The following PID1 variants were observed in gnomAD, a reference collection of about 807,000 sequenced individuals.
PID1 encodes phosphotyrosine interaction domain containing 1, also known as PTB-containing, cubilin and LRP1-interacting protein.
Under a neutral mutation model 19.1 loss-of-function variants are expected in PID1, and 10 were observed. The observed-to-expected ratio is 0.52, with a 90% CI of 0.32 to 0.89. PID1 has a LOEUF of 0.89. Among genes scored for constraint, PID1 ranks in the 40% least tolerant of loss-of-function variants. The pLI, the probability that PID1 is intolerant of heterozygous loss-of-function variation, is 0.03. For synonymous variants in PID1, 130 were observed against 116.0 expected, an observed-to-expected ratio of 1.12 and a Z score of -0.78; for missense variants, 248 against 285.3, an observed-to-expected ratio of 0.87 and a Z score of 0.94.
intron 1 of PID1, among the ~76,000 whole-genome samples, chr2:229,233,317 C>T (rs1168542923): frequency 1.3e-5 from 2 of 150,566 alleles, no homozygotes; most frequent in Non-Finnish European, 3.0e-5. Flanking sequence ...AATATGAGAA[C>T]ATTTAGAAGC....
chr2:229,148,210 G>A (rs577831878), intron 2 of PID1, among the ~76,000 whole-genome samples: 1 of 152,366 alleles, frequency 6.6e-6, no homozygotes, highest in Non-Finnish European at 1.5e-5. Flanking sequence ...CACCACGGCT[G>A]TTGGTGGAAA....
At chr2:229,096,145 T>C (rs1439044168) in intron 2 of PID1, among the ~76,000 whole-genome samples, 1 of 152,184 alleles carries the variant, frequency 6.6e-6, no homozygotes, top group Admixed American at 6.5e-5. Context: ...TATATTCCTA[T>C]TAGAATTACA....
intron 1 of PID1, among the ~76,000 whole-genome samples, chr2:229,156,664 C>G (rs1002498563): frequency 2.6e-5 from 4 of 152,258 alleles, no homozygotes; most frequent in Middle Eastern, 6.8e-3. Flanking sequence ...AACTTTGTCC[C>G]TATACAGAGA....
chr2:229,211,664 T>C (rs1211626075), intron 1 of PID1, among the ~76,000 whole-genome samples: 1 of 152,222 alleles, frequency 6.6e-6, no homozygotes, highest in East Asian at 1.9e-4. Flanking sequence ...CTACAGAATG[T>C]GATGCATGGG....
At chr2:229,143,635 C>T (rs908186459) in intron 2 of PID1, among the ~76,000 whole-genome samples, 2 of 152,100 alleles carry the variant, frequency 1.3e-5, no homozygotes, top group Non-Finnish European at 2.9e-5. Context: ...TTGGCTGTGT[C>T]CCCATCCAAA....
chr2:229,163,650 A>AGTGT lies in PID1; in HGVS notation c.31-7690_31-7687dup, dbSNP rs796992081. 4.2e-3 allele frequency among the ~76,000 whole-genome samples: 592 copies of AGTGT among 141,046 alleles called. 2 individuals are homozygous for AGTGT. The highest frequency in any genetic ancestry group is 0.015 in the African/African-American group (571 of 39,146). The allele number at this position is 141,046 out of a possible 152,430, so 92.5% of individuals were successfully genotyped here. A position where few individuals can be genotyped will look rare whatever the true frequency, so the allele number is the denominator to read the frequency against. ...GAGAGAGACAGAGGGAGAGAGAGAGAGTGTGTGTGTGTGTGTGTGTGTGTG... is the reference window on the plus strand; with the variant it reads ...GAGAGAGACAGAGGGAGAGAGAGAGAGTGTGTGTGTGTGTGTGTGTGTGTGTGTG... On this transcript the variant is annotated intron_variant, in intron 1 of 2. Transcript: ENST00000392055.
In PID1 at chr2:229,261,633, T is replaced by A. The variant is rs1690462936; in HGVS notation, c.30+9381A>T. Among the ~76,000 whole-genome samples, 3 of 152,196 alleles carry A rather than the reference T, an allele frequency of 2.0e-5. No individual in the cohort carries two copies. In the South Asian group the frequency reaches 6.2e-4, roughly 32 times the overall value. On this transcript the variant is annotated intron_variant, in intron 1 of 2. Transcript: ENST00000392055. ...AGGATGGATCTAACAATTATGCAGC[T>A]CCTTTCCCCTGGTAACTGTCCATTC... is the stretch of plus-strand genomic sequence containing the variant.
chr2:229,027,006 A>C (rs748388571), intron 2 of PID1, among the ~76,000 whole-genome samples: 5 of 152,352 alleles, frequency 3.3e-5, no homozygotes, highest in South Asian at 2.1e-4. Flanking sequence ...TTAAGAGATC[A>C]TCTAAGAAAT....
At chr2:229,210,199 G>C (rs1212993931) in intron 1 of PID1, among the ~76,000 whole-genome samples, 1 of 151,282 alleles carries the variant, frequency 6.6e-6, no homozygotes, top group Non-Finnish European at 1.5e-5. Flanking sequence ...CAAACAGGAA[G>C]CAAGGAGGTG....
intron 2 of PID1, among the ~76,000 whole-genome samples, chr2:229,072,120 A>G (rs1860761): frequency 0.62 from 93,684 of 151,998 alleles, 29,084 homozygotes; most frequent in Admixed American, 0.65. Context: ...TAGTCCATCA[A>G]TCTGAACCAA....
chr2:229,177,861 C>A (rs117059669), intron 1 of PID1, among the ~76,000 whole-genome samples: 1 of 152,114 alleles, frequency 6.6e-6, no homozygotes, highest in Non-Finnish European at 1.5e-5. Flanking sequence ...GTAGGAACTA[C>A]GGTTAAACCC....
chr2:229,159,806 T>C (rs116826381), intron 1 of PID1, among the ~76,000 whole-genome samples: 1 of 152,176 alleles, frequency 6.6e-6, no homozygotes, highest in Non-Finnish European at 1.5e-5. Context: ...CAAGTCTTCG[T>C]ATTTCTTCCA....
intron 2 of PID1, among the ~76,000 whole-genome samples, chr2:229,043,867 T>C (rs867379257): frequency 6.6e-5 from 10 of 152,168 alleles, no homozygotes; most frequent in Non-Finnish European, 4.4e-5. Context: ...GGGGCAGACC[T>C]GTGAACCACA....
chr2:229,212,896 G>A (rs1445731638), intron 1 of PID1, among the ~76,000 whole-genome samples: 1 of 151,942 alleles, frequency 6.6e-6, no homozygotes, highest in Non-Finnish European at 1.5e-5. Flanking sequence ...TGACCCACCT[G>A]AAGTGCACCC....
At chr2:229,234,420 C>T (rs1171946805) in intron 1 of PID1, among the ~76,000 whole-genome samples, 1 of 152,106 alleles carries the variant, frequency 6.6e-6, no homozygotes, top group Admixed American at 6.5e-5. Flanking sequence ...CCTTTGAATA[C>T]AGAAAGGGGC....
At chr2:229,149,692 C>G (rs1265535864) in intron 2 of PID1, among the ~76,000 whole-genome samples, 1 of 152,180 alleles carries the variant, frequency 6.6e-6, no homozygotes, top group East Asian at 1.9e-4. Context: ...CAGTTACCCT[C>G]ATAAATGGGA....
chr2:229,256,381 T>C (rs1255602831), intron 1 of PID1, among the ~76,000 whole-genome samples: 2 of 152,226 alleles, frequency 1.3e-5, no homozygotes, highest in Non-Finnish European at 2.9e-5. Context: ...GAAGGAAATA[T>C]TTCTGCAAGC....
intron 1 of PID1, among the ~76,000 whole-genome samples, chr2:229,218,167 C>T (rs1473659552): frequency 6.6e-6 from 1 of 152,078 alleles, no homozygotes; most frequent in East Asian, 1.9e-4. Flanking sequence ...GTGAGAGTGA[C>T]TGGAATATGG....
intron 1 of PID1, among the ~76,000 whole-genome samples, chr2:229,240,858 T>G (rs1689850082): frequency 6.6e-6 from 1 of 152,150 alleles, no homozygotes; most frequent in Non-Finnish European, 1.5e-5. Context: ...TATCTTATAT[T>G]GCTTGATGTG....
Sources: allele counts gnomAD v4.1 joint callset (sites outside exome capture counted in the v4.1 genomes callset), GRCh38; gene constraint gnomAD v4.1.1; transcripts MANE v1.5; gene names NCBI Gene and HGNC (gene_info 2026-07-23, HGNC 2026-07-21).